IPO4: variants seen among roughly 807,000 people sequenced by gnomAD.
IPO4 encodes importin-4.
A neutral mutation model predicts 133.5 loss-of-function variants in IPO4; 91 were observed. The observed-to-expected ratio is 0.68, with a 90% confidence interval of 0.58 to 0.81. The LOEUF is 0.81. Among genes scored for constraint, IPO4 ranks in the 30% least tolerant of loss-of-function variants. The pLI is 0.00. For synonymous variants in IPO4, 607 were observed against 581.6 expected, an observed-to-expected ratio of 1.04 and a Z score of -0.63; for missense variants, 1,279 against 1,386.2, an observed-to-expected ratio of 0.92 and a Z score of 1.23.
Position 24,183,160 on chromosome 14 carries a change from G to A in IPO4, c.2237C>T (p.Ala746Val). Residue 746 changes from alanine to valine, a missense_variant, in exon 23 of 30, where the codon GCT (alanine) becomes GTT (valine). Coordinates refer to ENST00000354464, the MANE Select transcript of IPO4 (RefSeq NM_024658.4). Reference sequence around the variant, plus strand: ...GGATGGCACGACTCGGGCCAGGGCAGCCTGCAAAGCTGGGGACATTATTGG... The same window carrying A: ...GGATGGCACGACTCGGGCCAGGGCAACCTGCAAAGCTGGGGACATTATTGG... ...PSEPNTAALQ[A>V]ALARVVPSYM... The A allele has an allele frequency of 1.2e-6, 2 of 1,611,910 alleles. No homozygotes were observed.
rs766901066 is a variant in IPO4 at position 24,186,431 on chromosome 14, G to A, written c.861C>T (p.Leu287=). 2.0e-5 allele frequency: 32 copies of A among 1,595,620 alleles called. No homozygotes were observed. The highest frequency in any genetic ancestry group is 2.7e-5 in the Non-Finnish European group (31 of 1,169,104). ...AAAGGGTGTGCAGCAAGGGTGGCAGGAGACGATTCTTCAGTAAGGCCTTGA... is the reference window on the plus strand; with the variant it reads ...AAAGGGTGTGCAGCAAGGGTGGCAGAAGACGATTCTTCAGTAAGGCCTTGA... The part of the protein sequence containing the change: ...VKSKALLKNR[L]LPPLLHTLFP... The change falls in exon 10 of 30, where the codon CTC becomes CTT. Residue 287 remains leucine, a synonymous_variant. Transcript: ENST00000354464.
intron 9 of IPO4, 83 bp downstream of exon 9, chr14:24,186,625 C>G: frequency 7.1e-7 from 1 of 1,417,068 alleles, no homozygotes; most frequent in Non-Finnish European, 9.9e-7. Context: ...TTTAGATACC[C>G]TGAGATGGAC....
Position 24,186,868 on chromosome 14 carries a change from C to T in IPO4, c.756+10G>A. On this transcript the variant is annotated intron_variant, in intron 8 of 29. Coordinates refer to ENST00000354464, the MANE Select transcript of IPO4 (RefSeq NM_024658.4). ...GCATGTAGCAGGGGCCATGTCCACT[C>T]CAGGCTCACCTCCAGGCAGAATGTG... 1 of 1,613,304 alleles carries T rather than the reference C, an allele frequency of 6.2e-7. No homozygotes were observed. The highest frequency in any genetic ancestry group is 8.5e-7 in the Non-Finnish European group (1 of 1,179,280).
rs969847631 is a variant in IPO4, at chr14:24,188,780, G to T, written c.8C>A (p.Ser3Ter). 14 of 1,509,984 alleles carry T rather than the reference G, an allele frequency of 9.3e-6. No individual in the cohort carries two copies. Among genetic ancestry groups the T allele is most frequent in the South Asian group, 1.3e-5 (1 of 75,010 alleles). 93.5% of individuals were successfully genotyped at this position (1,509,984 alleles called of 1,614,324 possible). Residue 3 changes from serine (S) to a stop codon, truncating the protein, a stop_gained, in exon 1 of 30, where the codon TCA (serine) becomes TAA (stop). Coordinates refer to ENST00000354464, the MANE Select transcript of IPO4 (RefSeq NM_024658.4). LOFTEE classifies it high-confidence loss of function. Reference sequence around the variant, plus strand: ...CCGTAGGAGCTGCTCTAGCCCGGCTGACTCCATGGCAGCAACTGAGCCGCC... The same window carrying T: ...CCGTAGGAGCTGCTCTAGCCCGGCTTACTCCATGGCAGCAACTGAGCCGCC... ME[S>*]AGLEQLLREL...
Position 24,182,725 on chromosome 14 carries a change from T to C in IPO4, c.2472+67A>G, listed in dbSNP as rs989965086. ...TGCCCCAGGCCAAGCCCAAATACAC[T>C]GTCCACCCCTGTCCCTGTGGAGACT... On this transcript the variant is annotated intron_variant, in intron 24 of 29. Transcript: ENST00000354464. 34 of 1,569,616 alleles carry C rather than the reference T, an allele frequency of 2.2e-5. No individual in the cohort carries two copies. The Admixed American group carries it at 5.3e-4, about 25-fold the overall frequency.
At position 24,183,103 on chromosome 14, in the gene IPO4, C is replaced by A; in HGVS notation, c.2294G>T (p.Arg765Leu). The part of the protein sequence containing the change: ...YMQAVNRERE[R>L]QVVMAVLEAL... ...CTCCAGCACGGCCATCACCACCTGG[C>A]GTTCCCGCTCCCTGTTCACTGCCTG... The change falls in exon 23 of 30, where the codon CGC (arginine) becomes CTC (leucine). Residue 765 changes from arginine (R) to leucine (L), a missense_variant. This residue lies in a region of IPO4 where 575 missense variants were observed against 653.4 expected (regional missense o/e 0.88). Transcript: ENST00000354464. The A allele has an allele frequency of 6.2e-7, 1 of 1,613,886 alleles. No homozygotes were observed. Among genetic ancestry groups the A allele is most frequent in the South Asian group, 1.1e-5 (1 of 91,082 alleles).
chr14:24,186,195 G>A lies in IPO4; in HGVS notation c.1006-13C>T. On this transcript the variant is annotated splice_polypyrimidine_tract_variant and intron_variant, in intron 10 of 29. Coordinates refer to ENST00000354464, the MANE Select transcript of IPO4 (RefSeq NM_024658.4). The stretch of plus-strand genomic sequence containing the variant: ...GCATGTCCACAACCTGAGATGGGAT[G>A]GGGAGACTTACTTTGCTTGACTCCA... 6.2e-7 allele frequency: 1 copy of A among 1,613,748 alleles called. No homozygotes were observed. The highest frequency in any genetic ancestry group is 8.5e-7 in the Non-Finnish European group (1 of 1,179,764).
intron 28 of IPO4, among the ~76,000 whole-genome samples, chr14:24,181,193 A>C (rs1347619515): frequency 1.3e-5 from 2 of 152,204 alleles, no homozygotes; most frequent in African/African-American, 2.4e-5. Flanking sequence ...CACAGAGCAC[A>C]GTTTGAAAGG....
chr14:24,183,130 A>G lies in IPO4; in HGVS notation c.2267T>C (p.Met756Thr), dbSNP rs2039166408. The G allele has an allele frequency of 9.9e-6, 16 of 1,613,692 alleles. No homozygotes were observed. Among genetic ancestry groups the G allele is most frequent in the African/African-American group, 8.0e-5 (6 of 74,900 alleles). Residue 756 changes from methionine (M) to threonine (T), a missense_variant, in exon 23 of 30, where the codon ATG becomes ACG. Met to Thr is a moderately conservative substitution (Grantham distance 81). Around this residue, in one of 3 missense-constraint regions of IPO4, gnomAD observed 575 missense variants for 653.4 expected, o/e 0.88. Transcript: ENST00000354464. Reference sequence around the variant, plus strand: ...TTCCCGCTCCCTGTTCACTGCCTGCATGTAGGATGGCACGACTCGGGCCAG... The same window carrying G: ...TTCCCGCTCCCTGTTCACTGCCTGCGTGTAGGATGGCACGACTCGGGCCAG... ...AALARVVPSY[M>T]QAVNRERERQ...
intron 4 of IPO4, 23 bp from the exon 5 acceptor site, chr14:24,187,819 C>T (rs779053957): frequency 6.2e-7 from 1 of 1,613,610 alleles, no homozygotes; most frequent in South Asian, 1.1e-5. Context: ...GAGATCTCCT[C>T]CAATCACCCT....
At chr14:24,187,356 G>C in intron 6 of IPO4, 44 bp downstream of exon 6, 1 of 1,597,822 alleles carries the variant, frequency 6.3e-7, no homozygotes, top group East Asian at 2.2e-5. Flanking sequence ...GGACATGAAG[G>C]CATGAGGAAA....
In IPO4 at chr14:24,181,504, C is replaced by CA; in HGVS notation, c.3045+8dup. 1 of 1,554,726 alleles carries CA rather than the reference C, an allele frequency of 6.4e-7. No individual in the cohort carries two copies. On this transcript the variant is annotated intron_variant, in intron 28 of 29. Transcript: ENST00000354464. ...GTTCCCCTCTGAGGGCTGCCAGCAG[C>CA]AAGGTTACCTGGTCAGGGCTGCTCT...
chr14:24,188,449 G>A lies in IPO4; in HGVS notation c.157-26C>T, dbSNP rs1345482263. ...CTAGGACGAGGAAGCAAGCACGTGG[G>A]GGTCCGGGCAGGAAGGTGCTGAGCG... On this transcript the variant is annotated intron_variant, in intron 2 of 29. Coordinates refer to ENST00000354464, the MANE Select transcript of IPO4 (RefSeq NM_024658.4). 2.5e-6 allele frequency: 4 copies of A among 1,609,742 alleles called. No homozygotes were observed. In the African/African-American group the frequency reaches 4.0e-5, roughly 16 times the overall value.
chr14:24,183,981 A>G lies in IPO4; in HGVS notation c.1869+17T>C, dbSNP rs1543518. On this transcript the variant is annotated intron_variant, in intron 18 of 29. Coordinates refer to ENST00000354464, the MANE Select transcript of IPO4 (RefSeq NM_024658.4). ...TTGCAGGGCAGGCCTGGCCCAGCCC[A>G]CCCACCCTTTGCTCACCACAATGCC... 0.33 allele frequency: 154,602 copies of G among 472,110 alleles called. 9,211 individuals are homozygous for G. Among genetic ancestry groups the G allele is most frequent in the East Asian group, 0.55 (15,892 of 29,106 alleles). 29.2% of individuals were successfully genotyped at this position (472,110 alleles called of 1,614,324 possible).
At chr14:24,188,483 T>A in intron 2 of IPO4, 60 bp from the exon 3 acceptor site, 1 of 1,607,870 alleles carries the variant, frequency 6.2e-7, no homozygotes, top group Non-Finnish European at 8.5e-7. Context: ...CGGACCGCAG[T>A]GGGCGAATAC....
At chr14:24,184,499 A>C in intron 16 of IPO4, 81 bp from the exon 17 acceptor site, 1 of 1,511,714 alleles carries the variant, frequency 6.6e-7, no homozygotes, top group South Asian at 1.3e-5. Context: ...AGGGATTCAG[A>C]AATCCCGCCC....
chr14:24,186,275 C>T lies in IPO4; in HGVS notation c.1005+12G>A. ...CTAACACCTTCCCCCTCTGTCCTGC[C>T]CCACATCTCACTTGTACAGCGAAAT... On this transcript the variant is annotated intron_variant, in intron 10 of 29. Coordinates refer to ENST00000354464, the MANE Select transcript of IPO4 (RefSeq NM_024658.4). 1 of 1,603,740 alleles carries T rather than the reference C, an allele frequency of 6.2e-7. No individual in the cohort carries two copies. The highest frequency in any genetic ancestry group is 1.7e-4 in the Middle Eastern group (1 of 6,010).
rs202050737 is a variant in IPO4 at position 24,187,443 on chromosome 14, C to T, written c.545G>A (p.Arg182His). The T allele has an allele frequency of 1.4e-4, 228 of 1,614,104 alleles. No individual in the cohort carries two copies. The highest frequency in any genetic ancestry group is 6.5e-4 in the Admixed American group (39 of 60,018). Residue 182 changes from arginine to histidine, a missense_variant, in exon 6 of 30, where the codon CGC (arginine) becomes CAC (histidine). Arg to His is a conservative substitution (Grantham distance 29, BLOSUM62 0). Around this residue, in one of 3 missense-constraint regions of IPO4, gnomAD observed 695 missense variants for 704.1 expected, o/e 0.99. Coordinates refer to ENST00000354464, the MANE Select transcript of IPO4 (RefSeq NM_024658.4). ...GSPGLLFYSL[R>H]TLTTMAPYLS... is the part of the protein sequence containing the mutation. ...GTAGGGAGCCATGGTGGTCAGAGTGCGCAGGGAGTAGAAGAGCAGCCCAGG... is the reference window on the plus strand; with the variant it reads ...GTAGGGAGCCATGGTGGTCAGAGTGTGCAGGGAGTAGAAGAGCAGCCCAGG...
At position 24,188,394 on chromosome 14, in the gene IPO4, G is replaced by C; in HGVS notation, c.186C>G (p.Arg62=). 2 of 1,612,694 alleles carry C rather than the reference G, an allele frequency of 1.2e-6. No homozygotes were observed. Among genetic ancestry groups the C allele is most frequent in the Non-Finnish European group, 1.7e-6 (2 of 1,179,930 alleles). ...QIRQFAAVLT[R]RRLNTRWRRL... is the part of the protein sequence containing the mutation. ...GTCGCCAGCGGGTGTTCAGTCGTCTGCGGGTCAGCACGGCCGCAAACTGGC... is the reference window on the plus strand; with the variant it reads ...GTCGCCAGCGGGTGTTCAGTCGTCTCCGGGTCAGCACGGCCGCAAACTGGC... Residue 62 remains arginine (R), a synonymous_variant, in exon 3 of 30, where the codon CGC becomes CGG. Coordinates refer to ENST00000354464, the MANE Select transcript of IPO4 (RefSeq NM_024658.4).
Sources: gnomAD v4.1 joint callset for allele counts (sites outside exome capture counted in the v4.1 genomes callset) on GRCh38, gnomAD v4.1.1 for gene constraint, gnomAD v4.1.1 regional missense constraint, MANE v1.5 for transcripts, NCBI Gene and HGNC (gene_info 2026-07-23, HGNC 2026-07-21) for gene names.